CUL5: variants seen among roughly 807,000 people sequenced by gnomAD.
CUL5 encodes the protein cullin 5.
In CUL5, 26 loss-of-function variants were observed where a neutral mutation model predicts 108.8. The observed-to-expected ratio is 0.24, with a 90% CI of 0.18 to 0.33. The LOEUF (loss-of-function observed/expected upper bound fraction) is 0.33, where lower values mean the gene tolerates loss of function less well. CUL5 is among the 10% of genes least tolerant of loss of function. CUL5 has a pLI of 1.00. For missense variants in CUL5, 524 were observed against 909.2 expected, an observed-to-expected ratio of 0.58 and a Z score of 5.45; for synonymous variants, 334 against 298.0, an observed-to-expected ratio of 1.12 and a Z score of -1.25.
chr11:108,041,638 T>C (rs577383422), intron 2 of CUL5, among the ~76,000 whole-genome samples: 8 of 151,950 alleles, frequency 5.3e-5, no homozygotes, highest in Admixed American at 5.3e-4. Flanking sequence ...TTGCCTAGGC[T>C]GGAGTGCAGT....
intron 10 of CUL5, among the ~76,000 whole-genome samples, chr11:108,075,239 C>CG (rs2135193035): frequency 6.6e-6 from 1 of 150,834 alleles, no homozygotes; most frequent in South Asian, 2.1e-4. Context: ...AATGCAGGGA[C>CG]GATAGCGTGG....
intron 18 of CUL5, among the ~76,000 whole-genome samples, chr11:108,099,009 T>TTC (rs1258508911): frequency 6.7e-6 from 1 of 150,172 alleles, no homozygotes; most frequent in East Asian, 1.9e-4. Flanking sequence ...AGTGTACTTT[T>TTC]TTTTTTTTTT....
chr11:108,031,986 A>C (rs144008842), intron 1 of CUL5, among the ~76,000 whole-genome samples: 1 of 152,176 alleles, frequency 6.6e-6, no homozygotes, highest in African/African-American at 2.4e-5. Flanking sequence ...ACATGAACAC[A>C]TAAAGGGGAA....
chr11:108,099,217 C>T (rs1864580195), intron 18 of CUL5, among the ~76,000 whole-genome samples: 1 of 152,112 alleles, frequency 6.6e-6, no homozygotes, highest in African/African-American at 2.4e-5. Flanking sequence ...GTTGCCCAGG[C>T]TGGTCTCGAA....
chr11:108,053,291 G>C (rs988199831), intron 5 of CUL5, among the ~76,000 whole-genome samples: 4 of 152,178 alleles, frequency 2.6e-5, no homozygotes, highest in African/African-American at 9.7e-5. Flanking sequence ...GTGCTTCACA[G>C]TACCTGTGCC....
Position 108,092,865 on chromosome 11 carries a change from G to A in CUL5, c.1444-1526G>A, listed in dbSNP as rs1591331603. On this transcript the variant is annotated intron_variant, in intron 13 of 18. Coordinates refer to ENST00000393094, the MANE Select transcript of CUL5 (RefSeq NM_003478.6). Reference sequence around the variant, plus strand: ...AGAGTCTCACTTTGTTGCCCAGGCTGGAGTGCAGTGGTGCGATCTTGGCTC... The same window carrying A: ...AGAGTCTCACTTTGTTGCCCAGGCTAGAGTGCAGTGGTGCGATCTTGGCTC... Among the ~76,000 whole-genome samples the A allele has an allele frequency of 4.6e-5, 7 of 152,148 alleles. 1 individual carries two copies. The South Asian group carries it at 1.5e-3, about 32-fold the overall frequency.
chr11:108,076,872 C>T (rs546317224), intron 10 of CUL5, among the ~76,000 whole-genome samples: 2 of 152,298 alleles, frequency 1.3e-5, no homozygotes, highest in East Asian at 1.9e-4. Context: ...GATATGTTCA[C>T]TGCGATAGGG....
chr11:108,088,228 A>C (rs1864269441), intron 11 of CUL5, among the ~76,000 whole-genome samples: 1 of 152,206 alleles, frequency 6.6e-6, no homozygotes, highest in African/African-American at 2.4e-5. Context: ...TTCTGAAAAA[A>C]AATTTTAATT....
intron 4 of CUL5, among the ~76,000 whole-genome samples, chr11:108,052,347 C>T (rs1863248310): frequency 6.6e-6 from 1 of 152,186 alleles, no homozygotes; most frequent in Non-Finnish European, 1.5e-5. Flanking sequence ...CAGGGTCTTA[C>T]TCTGTCACCC....
At chr11:108,012,277 T>A (rs560354443) in intron 1 of CUL5, among the ~76,000 whole-genome samples, 72 of 152,328 alleles carry the variant, frequency 4.7e-4, no homozygotes, top group African/African-American at 1.7e-3. Flanking sequence ...ATTTCCAGTT[T>A]ATTGTTCCAC....
chr11:108,107,547 TA>T lies in CUL5; in HGVS notation c.*3164del, dbSNP rs1026598418. On this transcript the variant is annotated 3_prime_UTR_variant, in exon 19 of 19. Transcript: ENST00000393094. ...TGTTGTCTGGAGTGTTGAACAAATT[TA>T]TTTTAGTTTCTAAGTTGTAATCTAT... The T allele has an allele frequency of 1.3e-5, 2 of 152,668 alleles. No individual in the cohort carries two copies. The highest frequency in any genetic ancestry group is 2.9e-5 in the Non-Finnish European group (2 of 68,034). 9.5% of individuals were successfully genotyped at this position (152,668 alleles called of 1,614,324 possible).
At chr11:108,043,433 C>G (rs993410811) in intron 2 of CUL5, among the ~76,000 whole-genome samples, 2 of 152,126 alleles carry the variant, frequency 1.3e-5, no homozygotes, top group Non-Finnish European at 2.9e-5. Context: ...TATAGGTATG[C>G]AGGAGTCATT....
chr11:108,038,971 T>C (rs1862818513), intron 2 of CUL5, among the ~76,000 whole-genome samples: 1 of 152,094 alleles, frequency 6.6e-6, no homozygotes, highest in Non-Finnish European at 1.5e-5. Flanking sequence ...TATAAGAGAT[T>C]GTTCTGCATG....
At position 108,016,874 on chromosome 11, in the gene CUL5, C is replaced by T. The variant is rs1383640415; in HGVS notation, c.24+7502C>T. Among the ~76,000 whole-genome samples the T allele has an allele frequency of 2.0e-5, 3 of 152,188 alleles. No homozygotes were observed. In the South Asian group the frequency reaches 6.2e-4, roughly 32 times the overall value. ...GAGGCTGGATGCAGTGGCTCATGCCCAACACTTTGGAAAGCAGAGGCAGGA... is the reference window on the plus strand; with the variant it reads ...GAGGCTGGATGCAGTGGCTCATGCCTAACACTTTGGAAAGCAGAGGCAGGA... On this transcript the variant is annotated intron_variant, in intron 1 of 18. Coordinates refer to ENST00000393094, the MANE Select transcript of CUL5 (RefSeq NM_003478.6).
intron 7 of CUL5, among the ~76,000 whole-genome samples, chr11:108,056,686 A>T (rs973505820): frequency 2.6e-5 from 4 of 152,160 alleles, no homozygotes; most frequent in Non-Finnish European, 4.4e-5. Context: ...TGGTGACAGG[A>T]AAGATGGAAG....
chr11:108,062,981 G>T (rs1863579078), intron 7 of CUL5, among the ~76,000 whole-genome samples: 1 of 152,100 alleles, frequency 6.6e-6, no homozygotes, highest in South Asian at 2.1e-4. Context: ...AAGTAGCTGG[G>T]ATTACAGGCA....
chr11:108,023,791 A>C (rs1326460196), intron 1 of CUL5, among the ~76,000 whole-genome samples: 1 of 152,226 alleles, frequency 6.6e-6, no homozygotes. Context: ...GGGTTTCAAA[A>C]AATACAAGTA....
chr11:108,097,509 G>T, intron 16 of CUL5, 127 bp from the exon 17 acceptor site: 3 of 587,090 alleles, frequency 5.1e-6, no homozygotes, highest in Non-Finnish European at 6.1e-6. Context: ...TATATTCATG[G>T]AAGTACCACA....
intron 7 of CUL5, among the ~76,000 whole-genome samples, chr11:108,059,434 C>T (rs1477205340): frequency 6.6e-6 from 1 of 152,052 alleles, no homozygotes; most frequent in Non-Finnish European, 1.5e-5. Context: ...TTCAGAATGA[C>T]CAGGGCACCG....
Sources: gnomAD v4.1 joint callset for allele counts (sites outside exome capture counted in the v4.1 genomes callset) on GRCh38, gnomAD v4.1.1 for gene constraint, MANE v1.5 for transcripts, NCBI Gene and HGNC (gene_info 2026-07-23, HGNC 2026-07-21) for gene names.